The following MMS22L variants were observed in gnomAD, a reference collection of about 807,000 sequenced individuals.
MMS22L encodes MMS22 like, DNA repair protein.
Under a neutral mutation model 159.1 loss-of-function variants are expected in MMS22L, and 74 were observed. That is an observed-to-expected ratio of 0.47 (90% CI 0.39 to 0.56). MMS22L has a LOEUF of 0.56. Among genes scored for constraint, MMS22L ranks in the 20% least tolerant of loss-of-function variants. MMS22L has a pLI of 0.00. For synonymous variants in MMS22L, 517 were observed against 506.9 expected (o/e 1.02, Z -0.27); for missense variants, 1,351 against 1,422.1 (o/e 0.95, Z 0.80).
At chr6:97,156,980 T>C (rs1217174590) in intron 22 of MMS22L, among the ~76,000 whole-genome samples, 1 of 148,240 alleles carries the variant, frequency 6.7e-6, no homozygotes, top group East Asian at 1.9e-4. Flanking sequence ...GTTTGTGTCC[T>C]CTTTTATTTT....
At chr6:97,228,498 C>T (rs1810492892) in intron 14 of MMS22L, among the ~76,000 whole-genome samples, 1 of 152,124 alleles carries the variant, frequency 6.6e-6, no homozygotes, top group African/African-American at 2.4e-5. Context: ...GGGTTGCAGT[C>T]AAAACTTTGT....
At chr6:97,202,611 T>C (rs72934647) in intron 14 of MMS22L, among the ~76,000 whole-genome samples, 4,061 of 152,180 alleles carry the variant, frequency 0.027, 86 homozygotes, top group Middle Eastern at 0.075. Context: ...TACAGTTTGG[T>C]GATGAAAAAA....
At chr6:97,168,327 C>G in intron 19 of MMS22L, 87 bp from the exon 20 acceptor site, 1 of 1,160,200 alleles carries the variant, frequency 8.6e-7, no homozygotes, top group Admixed American at 2.1e-5. Context: ...GTATTGAAAG[C>G]ACATGGGACC....
chr6:97,226,976 T>C (rs1223255471), intron 14 of MMS22L, among the ~76,000 whole-genome samples: 2 of 152,146 alleles, frequency 1.3e-5, no homozygotes, highest in Non-Finnish European at 2.9e-5. Flanking sequence ...AGTTGAGAAC[T>C]ACTGAACTAG....
intron 22 of MMS22L, among the ~76,000 whole-genome samples, chr6:97,154,623 C>T (rs914697654): frequency 6.6e-6 from 1 of 152,050 alleles, no homozygotes; most frequent in African/African-American, 2.4e-5. Flanking sequence ...GGTTAGTTTT[C>T]GTATGTGGTA....
chr6:97,227,304 G>A (rs1810373012), intron 14 of MMS22L, among the ~76,000 whole-genome samples: 1 of 152,152 alleles, frequency 6.6e-6, no homozygotes, highest in South Asian at 2.1e-4. Flanking sequence ...CTCTTCTGAA[G>A]ATGCCCATAC....
intron 16 of MMS22L, among the ~76,000 whole-genome samples, chr6:97,180,096 G>A (rs996910541): frequency 8.1e-5 from 12 of 148,884 alleles, no homozygotes; most frequent in Non-Finnish European, 1.8e-4. Context: ...GCTAAACTTG[G>A]TTTTTTTTTT....
intron 14 of MMS22L, among the ~76,000 whole-genome samples, chr6:97,197,440 G>A (rs1324853093): frequency 6.6e-6 from 1 of 152,136 alleles, no homozygotes; most frequent in Non-Finnish European, 1.5e-5. Context: ...ACGTGGGTAG[G>A]ACCACTAGTT....
chr6:97,243,799 T>C (rs1481675559), intron 11 of MMS22L, among the ~76,000 whole-genome samples: 5 of 152,160 alleles, frequency 3.3e-5, no homozygotes, highest in Admixed American at 3.3e-4. Flanking sequence ...TCCCCCTTCC[T>C]GAGAGCCAGA....
chr6:97,215,981 A>C (rs1240767964), intron 14 of MMS22L, among the ~76,000 whole-genome samples: 1 of 152,204 alleles, frequency 6.6e-6, no homozygotes, highest in African/African-American at 2.4e-5. Flanking sequence ...TAAAGAAGAA[A>C]CAATTGAAAT....
chr6:97,196,967 T>C (rs758026974), intron 14 of MMS22L, among the ~76,000 whole-genome samples: 4 of 152,182 alleles, frequency 2.6e-5, no homozygotes, highest in Admixed American at 1.3e-4. Context: ...TGGGCAGAGC[T>C]ACCCATAAGC....
At chr6:97,279,802 A>T (rs1459768696) in intron 3 of MMS22L, among the ~76,000 whole-genome samples, 2 of 151,080 alleles carry the variant, frequency 1.3e-5, no homozygotes, top group Admixed American at 6.6e-5. Context: ...AAAAAAAAAG[A>T]AGTTTAAGAT....
chr6:97,183,127 A>G (rs1404273603), intron 15 of MMS22L, among the ~76,000 whole-genome samples: 1 of 152,012 alleles, frequency 6.6e-6, no homozygotes, highest in East Asian at 1.9e-4. Context: ...AAGTACCCCA[A>G]TTTTTGACTC....
At chr6:97,278,144 C>T (rs1232090108) in intron 4 of MMS22L, among the ~76,000 whole-genome samples, 1 of 152,178 alleles carries the variant, frequency 6.6e-6, no homozygotes, top group Non-Finnish European at 1.5e-5. Flanking sequence ...TGGCTCATGC[C>T]TGTAATCCTA....
At chr6:97,243,771 T>A (rs1460125832) in intron 11 of MMS22L, among the ~76,000 whole-genome samples, 2 of 152,130 alleles carry the variant, frequency 1.3e-5, no homozygotes, top group African/African-American at 2.4e-5. Context: ...TGCAGGGTGA[T>A]CCCTTGATGT....
chr6:97,208,573 A>G (rs951473408), intron 14 of MMS22L, among the ~76,000 whole-genome samples: 1 of 152,046 alleles, frequency 6.6e-6, no homozygotes, highest in Non-Finnish European at 1.5e-5. Flanking sequence ...GGGAAACTGT[A>G]TATTTCACTT....
intron 9 of MMS22L, among the ~76,000 whole-genome samples, chr6:97,256,713 G>A (rs896906450): frequency 4.6e-5 from 7 of 152,164 alleles, no homozygotes; most frequent in Admixed American, 3.9e-4. Context: ...CACTTTGGGA[G>A]GGCAAGGCAG....
intron 20 of MMS22L, among the ~76,000 whole-genome samples, chr6:97,166,942 A>G (rs546461207): frequency 1.4e-4 from 21 of 152,138 alleles, no homozygotes; most frequent in African/African-American, 4.6e-4. Context: ...TAAAAATTAG[A>G]GGGAAAATTT....
At chr6:97,233,314 T>C (rs1190039229) in intron 12 of MMS22L, among the ~76,000 whole-genome samples, 1 of 152,168 alleles carries the variant, frequency 6.6e-6, no homozygotes. Context: ...ATGTTGTTCA[T>C]TCTGCCTGGA....
Sources: gnomAD v4.1 joint callset for allele counts (sites outside exome capture counted in the v4.1 genomes callset) on GRCh38, gnomAD v4.1.1 for gene constraint, MANE v1.5 for transcripts, NCBI Gene and HGNC (gene_info 2026-07-23, HGNC 2026-07-21) for gene names.